The following NAALADL2 variants were observed in gnomAD, a reference collection of about 807,000 sequenced individuals.
The protein encoded by NAALADL2 is N-acetylated alpha-linked acidic dipeptidase like 2, also known as inactive N-acetylated-alpha-linked acidic dipeptidase-like protein 2.
A neutral mutation model predicts 87.2 loss-of-function variants in NAALADL2; 76 were observed. The ratio of observed to expected loss-of-function variants is 0.87; its 90% CI spans 0.72 to 1.05. NAALADL2 has a LOEUF of 1.05. Among genes scored for constraint, NAALADL2 ranks in the 50% least tolerant of loss-of-function variants. The pLI, the probability that NAALADL2 is intolerant of heterozygous loss-of-function variation, is 0.00. For synonymous variants in NAALADL2, 354 were observed against 331.0 expected (o/e 1.07, Z -0.75); for missense variants, 1,089 against 945.8 (o/e 1.15, Z -1.99).
At chr3:175,477,106 A>G (rs977651861) in intron 9 of NAALADL2, among the ~76,000 whole-genome samples, 8 of 152,044 alleles carry the variant, frequency 5.3e-5, no homozygotes, top group African/African-American at 1.9e-4. Context: ...GCAAACACCA[A>G]AACATTGAGA....
chr3:174,526,282 G>A (rs1720739512), intron 1 of NAALADL2, among the ~76,000 whole-genome samples: 1 of 152,168 alleles, frequency 6.6e-6, no homozygotes, highest in South Asian at 2.1e-4. Context: ...TGTGTAAACA[G>A]TCATGGCTTT....
intron 9 of NAALADL2, among the ~76,000 whole-genome samples, chr3:175,490,718 G>C (rs545045877): frequency 1.3e-5 from 2 of 152,098 alleles, no homozygotes; most frequent in South Asian, 4.1e-4. Flanking sequence ...TGTATGGAAA[G>C]TACCATCAGA....
chr3:175,314,727 G>A (rs1331861060), intron 4 of NAALADL2, among the ~76,000 whole-genome samples: 2 of 82,008 alleles, frequency 2.4e-5, no homozygotes, highest in South Asian at 8.9e-4. Flanking sequence ...TATATAGTTA[G>A]ATAAGGTACC....
intron 4 of NAALADL2, among the ~76,000 whole-genome samples, chr3:175,307,576 TAAGC>T: frequency 6.6e-6 from 1 of 152,306 alleles, no homozygotes; most frequent in Non-Finnish European, 1.5e-5. Flanking sequence ...TTTAACACTG[TAAGC>T]ATTTTTTGTC....
chr3:174,742,696 CAT>C (rs1189429803), intron 3 of NAALADL2, among the ~76,000 whole-genome samples: 1 of 151,478 alleles, frequency 6.6e-6, no homozygotes, highest in Non-Finnish European at 1.5e-5. Context: ...AAACAAATGA[CAT>C]GTGTGAGAAA....
chr3:175,687,272 C>T (rs1409996117), intron 11 of NAALADL2, among the ~76,000 whole-genome samples: 1 of 152,052 alleles, frequency 6.6e-6, no homozygotes, highest in Non-Finnish European at 1.5e-5. Context: ...AAATAACTCT[C>T]ATATATAGAT....
At chr3:174,702,864 G>C (rs1729688711) in intron 2 of NAALADL2, among the ~76,000 whole-genome samples, 1 of 152,116 alleles carries the variant, frequency 6.6e-6, no homozygotes, top group African/African-American at 2.4e-5. Flanking sequence ...CTAGTATTTT[G>C]TAGTTTATGA....
intron 3 of NAALADL2, among the ~76,000 whole-genome samples, chr3:174,758,168 G>C (rs1712391423): frequency 6.6e-6 from 1 of 152,038 alleles, no homozygotes; most frequent in Non-Finnish European, 1.5e-5. Flanking sequence ...GCTCCCTTTG[G>C]TACTCAAAAA....
chr3:174,864,652 T>G lies in NAALADL2; in HGVS notation c.43+5202T>G, dbSNP rs571580146. 3.5e-3 allele frequency among the ~76,000 whole-genome samples: 538 copies of G among 152,198 alleles called. 3 individuals are homozygous for G. Among genetic ancestry groups the G allele is most frequent in the Middle Eastern group, 0.02 (6 of 294 alleles). ...ATCTATTTAAAAGTTTGAATCTGTT[T>G]TTGAATTTTTCTTTGAACAAAAGAT... On this transcript the variant is annotated intron_variant, in intron 1 of 13. Coordinates refer to ENST00000454872, the MANE Select transcript of NAALADL2 (RefSeq NM_207015.3).
intron 4 of NAALADL2, among the ~76,000 whole-genome samples, chr3:175,289,644 G>T (rs143861982): frequency 9.2e-5 from 14 of 151,984 alleles, no homozygotes; most frequent in African/African-American, 3.4e-4. Context: ...TAAAATTTCT[G>T]CTCTTAAAAT....
chr3:174,830,450 C>A (rs1390983027), intron 3 of NAALADL2, among the ~76,000 whole-genome samples: 1 of 152,024 alleles, frequency 6.6e-6, no homozygotes, highest in Non-Finnish European at 1.5e-5. Context: ...TCTGAGGGCT[C>A]TGTTCTTTTC....
chr3:174,486,689 G>C (rs1717879791), intron 1 of NAALADL2, among the ~76,000 whole-genome samples: 1 of 151,974 alleles, frequency 6.6e-6, no homozygotes, highest in Admixed American at 6.6e-5. Context: ...ATGGAGTGGT[G>C]ACTTCTAAGC....
intron 1 of NAALADL2, among the ~76,000 whole-genome samples, chr3:174,911,026 C>T (rs984329609): frequency 6.6e-6 from 1 of 152,130 alleles, no homozygotes; most frequent in Non-Finnish European, 1.5e-5. Context: ...TTACCTGGCA[C>T]ACCGAATGTG....
At chr3:174,536,515 A>G (rs767873694) in intron 1 of NAALADL2, 9 of 152,146 alleles carry the variant, frequency 5.9e-5, no homozygotes, top group Non-Finnish European at 1.0e-4. Context: ...TGTACTGCCA[A>G]AGAGGCATTT....
At chr3:175,737,497 A>C (rs1459231575) in intron 12 of NAALADL2, 98 bp downstream of exon 12, 62 of 755,754 alleles carry the variant, frequency 8.2e-5, no homozygotes, top group Non-Finnish European at 6.8e-6. Flanking sequence ...CTTACTAGCC[A>C]TGGCAATGCT....
At chr3:175,358,345 T>G (rs1164871704) in intron 5 of NAALADL2, among the ~76,000 whole-genome samples, 1 of 152,190 alleles carries the variant, frequency 6.6e-6, no homozygotes, top group Middle Eastern at 3.2e-3. Flanking sequence ...TTTGGATTTT[T>G]CATTCTTTTT....
At chr3:174,947,082 C>T (rs972097048) in intron 1 of NAALADL2, among the ~76,000 whole-genome samples, 3 of 152,054 alleles carry the variant, frequency 2.0e-5, no homozygotes, top group Admixed American at 6.6e-5. Context: ...TGCTTAATTG[C>T]GTTGTGCTCA....
intron 9 of NAALADL2, among the ~76,000 whole-genome samples, chr3:175,508,783 C>T (rs972523386): frequency 1.3e-5 from 2 of 151,964 alleles, no homozygotes; most frequent in Non-Finnish European, 1.5e-5. Context: ...TATTATTTCT[C>T]ATTTTGAAAG....
At chr3:175,049,414 A>G (rs1434224746) in intron 1 of NAALADL2, among the ~76,000 whole-genome samples, 2 of 152,196 alleles carry the variant, frequency 1.3e-5, no homozygotes, top group Non-Finnish European at 2.9e-5. Flanking sequence ...GAGATAAGGA[A>G]GAGTTTTTGT....
Sources: allele counts gnomAD v4.1 joint callset (sites outside exome capture counted in the v4.1 genomes callset), GRCh38; gene constraint gnomAD v4.1.1; transcripts MANE v1.5; gene names NCBI Gene and HGNC (gene_info 2026-07-23, HGNC 2026-07-21).